USP31: variants seen among roughly 807,000 people sequenced by gnomAD.
USP31 encodes ubiquitin carboxyl-terminal hydrolase 31.
In USP31, 44 loss-of-function variants were observed where a neutral mutation model predicts 119.4. The ratio of observed to expected loss-of-function variants is 0.37; its 90% confidence interval spans 0.29 to 0.47. The LOEUF (loss-of-function observed/expected upper bound fraction) is 0.47. Ranked by LOEUF, USP31 falls within the 20% of genes least tolerant of loss-of-function variation. USP31 has a pLI of 0.99. For missense variants in USP31, 1,643 were observed against 1,730.2 expected (o/e 0.95, Z 0.89); for synonymous variants, 749 against 705.6 (o/e 1.06, Z -0.97).
In USP31 at chr16:23,132,460, T is replaced by C. The variant is rs568179755; in HGVS notation, c.633+16178A>G. Among the ~76,000 whole-genome samples, 4 of 152,062 alleles carry C rather than the reference T, an allele frequency of 2.6e-5. No individual in the cohort carries two copies. The East Asian group carries it at 7.7e-4, about 29-fold the overall frequency. On this transcript the variant is annotated intron_variant, in intron 1 of 15. Transcript: ENST00000219689. ...TAGTAGCCCCTCATTGTGACGAGTG[T>C]ATAGATGGGGACAGGAAAAATCCAT...
intron 5 of USP31, among the ~76,000 whole-genome samples, chr16:23,103,163 G>A (rs1263439951): frequency 6.6e-6 from 1 of 152,150 alleles, no homozygotes; most frequent in African/African-American, 2.4e-5. Context: ...ACTGAAAGAA[G>A]AGAAGCCAAG....
chr16:23,106,602 C>T (rs1480832910), intron 2 of USP31, 115 bp from the exon 3 acceptor site: 101 of 1,053,512 alleles, frequency 9.6e-5, no homozygotes, highest in Non-Finnish European at 1.3e-4. Flanking sequence ...GCATCAAGTG[C>T]AGATACTTCA....
chr16:23,115,891 G>C, intron 1 of USP31: 1 of 719,702 alleles, frequency 1.4e-6, no homozygotes, highest in Non-Finnish European at 1.7e-6. Flanking sequence ...AATTAGACAT[G>C]AGGGTCTTTC....
chr16:23,076,870 T>C (rs1368458350), intron 13 of USP31, among the ~76,000 whole-genome samples: 1 of 152,218 alleles, frequency 6.6e-6, no homozygotes, highest in East Asian at 1.9e-4. Flanking sequence ...TGAAGTTAAA[T>C]GACCTCCACA....
intron 5 of USP31, among the ~76,000 whole-genome samples, chr16:23,105,114 T>C (rs554716220): frequency 2.0e-5 from 3 of 152,358 alleles, no homozygotes; most frequent in Admixed American, 6.5e-5. Flanking sequence ...TCTCAAACAC[T>C]GCGAGGACGC....
intron 1 of USP31, among the ~76,000 whole-genome samples, chr16:23,115,209 C>A (rs573886904): frequency 5.1e-5 from 7 of 138,372 alleles, no homozygotes; most frequent in Non-Finnish European, 6.5e-5. Flanking sequence ...TTGCCTTTTA[C>A]GATTTTTTTT....
intron 1 of USP31, 106 bp downstream of exon 1, chr16:23,148,532 T>A: frequency 7.4e-7 from 1 of 1,356,456 alleles, no homozygotes; most frequent in Non-Finnish European, 9.4e-7. Context: ...GAGCAACCAA[T>A]GCAGAAGCCT....
intron 13 of USP31, among the ~76,000 whole-genome samples, chr16:23,076,999 A>G (rs1900604799): frequency 6.6e-6 from 1 of 152,274 alleles, no homozygotes; most frequent in South Asian, 2.1e-4. Flanking sequence ...ATTTGTATAC[A>G]TGGCCCCCAT....
At chr16:23,085,771 G>A (rs1901082171) in intron 9 of USP31, 109 bp from the exon 10 acceptor site, 1 of 1,007,776 alleles carries the variant, frequency 9.9e-7, no homozygotes, top group Admixed American at 2.3e-5. Flanking sequence ...GGTGATTAAT[G>A]AAAATCTTCA....
At chr16:23,110,401 C>A (rs1438522074) in intron 1 of USP31, among the ~76,000 whole-genome samples, 1 of 152,142 alleles carries the variant, frequency 6.6e-6, no homozygotes, top group Non-Finnish European at 1.5e-5. Flanking sequence ...GAGGAAGCAA[C>A]ATGCACAAAC....
Position 23,069,119 on chromosome 16 carries a change from C to G in USP31, c.2986G>C (p.Asp996His), listed in dbSNP as rs1195386538. 2 of 1,613,242 alleles carry G rather than the reference C, an allele frequency of 1.2e-6. No homozygotes were observed. Among genetic ancestry groups the G allele is most frequent in the Non-Finnish European group, 1.7e-6 (2 of 1,180,040 alleles). Residue 996 changes from aspartate to histidine, a missense_variant, in exon 16 of 16, where the codon GAC becomes CAC. Transcript: ENST00000219689. Reference protein sequence around the residue: ...NNQIAYVDQSDSVDSSPVKEV... With the variant: ...NNQIAYVDQSHSVDSSPVKEV... ...TTGACTGGAGAGCTGTCTACGGAGT[C>G]GCTCTGATCCACATAAGCGATCTGA...
At chr16:23,086,397 CAT>C (rs1465776246) in intron 9 of USP31, among the ~76,000 whole-genome samples, 19 of 150,928 alleles carry the variant, frequency 1.3e-4, no homozygotes, top group Admixed American at 1.1e-3. Context: ...TTCATAGATA[CAT>C]AGTGTGTATA....
chr16:23,091,599 G>GT (rs1439144666), intron 6 of USP31, among the ~76,000 whole-genome samples: 1 of 152,112 alleles, frequency 6.6e-6, no homozygotes, highest in Non-Finnish European at 1.5e-5. Context: ...CTACACAAAA[G>GT]TATTTATAGC....
At chr16:23,105,863 T>C (rs1274135422) in intron 4 of USP31, among the ~76,000 whole-genome samples, 2 of 152,158 alleles carry the variant, frequency 1.3e-5, no homozygotes, top group Non-Finnish European at 1.5e-5. Flanking sequence ...GCATAACTCC[T>C]GGAAATGTTG....
Position 23,141,266 on chromosome 16 carries a change from T to C in USP31, c.633+7372A>G, listed in dbSNP as rs138504742. Among the ~76,000 whole-genome samples, 723 of 152,290 alleles carry C rather than the reference T, an allele frequency of 4.7e-3. 4 individuals carry two copies. Among genetic ancestry groups the C allele is most frequent in the Middle Eastern group, 0.014 (4 of 294 alleles). On this transcript the variant is annotated intron_variant, in intron 1 of 15. Coordinates refer to ENST00000219689, the MANE Select transcript of USP31 (RefSeq NM_020718.4). ...AAACAAGATCTGTCAGACTTTCAAG[T>C]GTACCCTCAGCTCTTTCCAACTATA... is the stretch of plus-strand genomic sequence containing the variant.
chr16:23,095,883 T>C (rs886297439), intron 6 of USP31, among the ~76,000 whole-genome samples: 2 of 152,194 alleles, frequency 1.3e-5, no homozygotes, highest in African/African-American at 4.8e-5. Flanking sequence ...TACCAGCCAT[T>C]GCAAAAACAT....
intron 1 of USP31, among the ~76,000 whole-genome samples, chr16:23,147,948 T>C (rs1439576581): frequency 6.6e-6 from 1 of 152,042 alleles, no homozygotes; most frequent in African/African-American, 2.4e-5. Context: ...AAAATAAAAA[T>C]AAAAAGTAGC....
At chr16:23,090,514 C>CA in intron 7 of USP31, 110 bp downstream of exon 7, 1 of 1,149,922 alleles carries the variant, frequency 8.7e-7, no homozygotes, top group Non-Finnish European at 1.2e-6. Context: ...ATATCAGAAT[C>CA]AAAAATTAAC....
Position 23,102,434 on chromosome 16 carries a change from C to A in USP31, c.1119G>T (p.Gly373=), listed in dbSNP as rs1901919262. The change falls in exon 6 of 16, where the codon GGG becomes GGT. Residue 373 remains glycine, a synonymous_variant. Coordinates refer to ENST00000219689, the MANE Select transcript of USP31 (RefSeq NM_020718.4). ...QIVLTEMYYD[G]FHRSFCDTDD... is the part of the protein sequence containing the mutation. ...CTGTATCACAAAAGGAACGATGGAA[C>A]CCATCATAGTACATTTCTGTTAACA... 1 of 1,613,084 alleles carries A rather than the reference C, an allele frequency of 6.2e-7. No homozygotes were observed. Among genetic ancestry groups the A allele is most frequent in the Non-Finnish European group, 8.5e-7 (1 of 1,179,558 alleles).
Sources: gnomAD v4.1 joint callset for allele counts (sites outside exome capture counted in the v4.1 genomes callset) on GRCh38, gnomAD v4.1.1 for gene constraint, MANE v1.5 for transcripts, NCBI Gene and HGNC (gene_info 2026-07-23, HGNC 2026-07-21) for gene names.